Variants in C19orf47 observed in about 807,000 individuals in gnomAD.
C19orf47 encodes the protein uncharacterized protein C19orf47.
Under a neutral mutation model 32.3 loss-of-function variants are expected in C19orf47, and 18 were observed. The observed-to-expected ratio is 0.56, with a 90% confidence interval of 0.39 to 0.83. The LOEUF (loss-of-function observed/expected upper bound fraction) is 0.83. C19orf47 is among the 40% of genes least tolerant of loss of function. C19orf47 has a pLI of 0.00. For missense variants in C19orf47, 484 were observed against 531.6 expected, an observed-to-expected ratio of 0.91 and a Z score of 0.88; for synonymous variants, 202 against 211.1, an observed-to-expected ratio of 0.96 and a Z score of 0.37.
chr19:40,318,980 A>G (rs2145496026), downstream of C19orf47, among the ~76,000 whole-genome samples: 1 of 152,340 alleles, frequency 6.6e-6, no homozygotes, highest in South Asian at 2.1e-4. Context: ...AGTTTAAAAT[A>G]GTTAAAATGG....
intron 2 of C19orf47, among the ~76,000 whole-genome samples, chr19:40,337,536 A>G (rs1361205797): frequency 1.3e-5 from 2 of 152,112 alleles, no homozygotes; most frequent in African/African-American, 4.8e-5. Flanking sequence ...GATCTACTTC[A>G]TGACTGACAG....
chr19:40,327,313 C>CT (rs753817564), intron 6 of C19orf47, among the ~76,000 whole-genome samples: 2,646 of 139,114 alleles, frequency 0.019, 27 homozygotes, highest in African/African-American at 0.029. Context: ...CCCGCCCAGC[C>CT]TTTTTTTTTT....
Position 40,336,419 on chromosome 19 carries a change from G to C in C19orf47, c.20-12C>G, listed in dbSNP as rs545713784. The C allele has an allele frequency of 2.5e-5, 40 of 1,608,638 alleles. No individual in the cohort carries two copies. The East Asian group carries it at 8.3e-4, about 33-fold the overall frequency. On this transcript the variant is annotated splice_polypyrimidine_tract_variant and intron_variant, in intron 2 of 8. Transcript: ENST00000683109. ...CCACTCGGAAGTGGCTGTGGGGTTG[G>C]ACAGGGCTCATTACTCACACTGTCC...
chr19:40,341,376 A>G (rs1026875334), intron 2 of C19orf47, among the ~76,000 whole-genome samples: 2 of 151,866 alleles, frequency 1.3e-5, no homozygotes, highest in African/African-American at 4.8e-5. Flanking sequence ...ACTTTTCTAT[A>G]TTATAATAAA....
At position 40,321,967 on chromosome 19, in the gene C19orf47, C is replaced by T. The variant is rs1293371735; in HGVS notation, c.1073G>A (p.Ser358Asn). ...IKRTLVGPRG[S>N]SSSEGLGAQM... Reference sequence around the variant, plus strand: ...GGCACCAAGGCCCTCGCTGGAGCTGCTCCCCCGGGGCCCCACCAGAGTCCT... The same window carrying T: ...GGCACCAAGGCCCTCGCTGGAGCTGTTCCCCCGGGGCCCCACCAGAGTCCT... The change falls in exon 9 of 9, where the codon AGC (serine) becomes AAC (asparagine). Residue 358 changes from serine to asparagine, a missense_variant. By Grantham distance (46) the Ser-to-Asn change is conservative. Around this residue, in one of 3 missense-constraint regions of C19orf47, gnomAD observed 51 missense variants for 74.5 expected, o/e 0.68. Coordinates refer to ENST00000683109, the MANE Select transcript of C19orf47 (RefSeq NM_001256441.2). 2.5e-6 allele frequency: 4 copies of T among 1,613,876 alleles called. No individual in the cohort carries two copies. The highest frequency in any genetic ancestry group is 1.7e-4 in the Middle Eastern group (1 of 6,058).
At chr19:40,316,789 A>T (rs977766203), downstream of C19orf47, among the ~76,000 whole-genome samples, 2 of 152,176 alleles carry the variant, frequency 1.3e-5, no homozygotes, top group African/African-American at 4.8e-5. Flanking sequence ...TCACCCCTGA[A>T]TTGATCCCAT....
At chr19:40,298,634 C>A in the C19orf47 span, among the ~76,000 whole-genome samples, 1 of 152,166 alleles carries the variant, frequency 6.6e-6, no homozygotes, top group African/African-American at 2.4e-5. Flanking sequence ...AGTTCAAAAT[C>A]GCTTACTTCC....
At chr19:40,306,613 G>A in the C19orf47 span, among the ~76,000 whole-genome samples, 5 of 151,796 alleles carry the variant, frequency 3.3e-5, no homozygotes, top group African/African-American at 1.2e-4. Flanking sequence ...ATGTTGGTCA[G>A]GCTGGTCTTG....
chr19:40,301,857 TA>T, the C19orf47 span, among the ~76,000 whole-genome samples: 16 of 139,578 alleles, frequency 1.1e-4, no homozygotes, highest in African/African-American at 3.9e-4. Flanking sequence ...AAAAAAATCT[TA>T]AAAAAAAAGG....
upstream of C19orf47, chr19:40,348,428 TC>T: frequency 6.7e-7 from 1 of 1,489,760 alleles, no homozygotes; most frequent in Non-Finnish European, 8.9e-7. Context: ...CCCGGAAGCA[TC>T]CTCTCACCGC....
At chr19:40,328,311 G>A (rs1392674216) in intron 6 of C19orf47, 102 bp downstream of exon 6, 1 of 1,498,382 alleles carries the variant, frequency 6.7e-7, no homozygotes, top group African/African-American at 1.4e-5. Flanking sequence ...ATACCTTGTG[G>A]CCTTCAAAGC....
At chr19:40,326,677 G>A (rs1036463673) in intron 6 of C19orf47, among the ~76,000 whole-genome samples, 191 bp from the exon 7 acceptor site, 1 of 152,128 alleles carries the variant, frequency 6.6e-6, no homozygotes, top group African/African-American at 2.4e-5. Context: ...CACAGAAGGT[G>A]CTCAGAATCC....
the C19orf47 span, among the ~76,000 whole-genome samples, chr19:40,293,850 G>C: frequency 3.3e-5 from 5 of 152,122 alleles, no homozygotes; most frequent in African/African-American, 1.2e-4. Flanking sequence ...GCCGGGCGCA[G>C]CGGCTCATGC....
intron 5 of C19orf47, 121 bp downstream of exon 5, chr19:40,333,730 C>T (rs2078001984): frequency 1.4e-6 from 1 of 724,850 alleles, no homozygotes. Context: ...AGTAAGAATT[C>T]CTCCAATGGC....
Position 40,348,385 on chromosome 19 carries a change from T to C in C19orf47, c.-95A>G, listed in dbSNP as rs2064456590. On this transcript the variant is annotated 5_prime_UTR_variant, in exon 1 of 9. Coordinates refer to ENST00000683109, the MANE Select transcript of C19orf47 (RefSeq NM_001256441.2). ...CCCTCCCTCCCGGCGGCGCCAACTG[T>C]CAGACACTCCTCCCCCGGCCCGGGC... 6.9e-7 allele frequency: 1 copy of C among 1,441,000 alleles called. No individual in the cohort carries two copies. The highest frequency in any genetic ancestry group is 1.5e-5 in the African/African-American group (1 of 67,096). 89.3% of individuals were successfully genotyped at this position (1,441,000 alleles called of 1,614,324 possible). A position where few individuals can be genotyped will look rare whatever the true frequency, so the allele number is the denominator to read the frequency against.
downstream of C19orf47, among the ~76,000 whole-genome samples, chr19:40,317,684 C>T (rs1159575052): frequency 6.6e-6 from 1 of 151,708 alleles, no homozygotes; most frequent in South Asian, 2.1e-4. Flanking sequence ...CGGACATCTA[C>T]ACATGGACAA....
intron 2 of C19orf47, among the ~76,000 whole-genome samples, chr19:40,338,393 A>C (rs2078113029): frequency 6.7e-6 from 1 of 150,170 alleles, no homozygotes; most frequent in South Asian, 2.1e-4. Context: ...ACATATATAT[A>C]TATTTCTTTT....
In C19orf47 at chr19:40,326,419, C is replaced by T; in HGVS notation, c.507G>A (p.Glu169=). Residue 169 remains glutamate (E), a synonymous_variant, in exon 7 of 9, where the codon GAG becomes GAA. Coordinates refer to ENST00000683109, the MANE Select transcript of C19orf47 (RefSeq NM_001256441.2). The part of the protein sequence containing the change: ...VPAKRRRVTA[E]MEGKYVINMP... Reference sequence around the variant, plus strand: ...TGTTGATGACGTACTTCCCCTCCATCTCAGCAGTGACCCGGCGCCGCTTGG... The same window carrying T: ...TGTTGATGACGTACTTCCCCTCCATTTCAGCAGTGACCCGGCGCCGCTTGG... 1 of 1,614,220 alleles carries T rather than the reference C, an allele frequency of 6.2e-7. No homozygotes were observed. The highest frequency in any genetic ancestry group is 1.6e-4 in the Middle Eastern group (1 of 6,062).
the C19orf47 span, among the ~76,000 whole-genome samples, chr19:40,298,698 A>G: frequency 6.6e-6 from 1 of 152,220 alleles, no homozygotes; most frequent in Non-Finnish European, 1.5e-5. Context: ...TAATTATATA[A>G]CTACTATAAG....
Sources: allele counts gnomAD v4.1 joint callset (sites outside exome capture counted in the v4.1 genomes callset), GRCh38; gene constraint gnomAD v4.1.1; regional missense constraint gnomAD v4.1.1; transcripts MANE v1.5; gene names NCBI Gene and HGNC (gene_info 2026-07-23, HGNC 2026-07-21).